CSMD1: variants seen among roughly 807,000 people sequenced by gnomAD.
CSMD1 encodes CUB and sushi domain-containing protein 1.
CSMD1 carries 213 observed loss-of-function variants against 417.5 expected under a neutral mutation model. The ratio of observed to expected loss-of-function variants is 0.51; its 90% CI spans 0.46 to 0.57. The LOEUF (loss-of-function observed/expected upper bound fraction) is 0.57. CSMD1 is among the 20% of genes least tolerant of loss of function. The pLI, the probability that CSMD1 is intolerant of heterozygous loss-of-function variation, is 0.00. For missense variants in CSMD1, 6,923 were observed against 4,529.7 expected (o/e 1.53, Z -15.17); for synonymous variants, 2,862 against 1,736.8 (o/e 1.65, Z -16.11).
chr8:4,574,371 G>A (rs541310943), intron 2 of CSMD1, among the ~76,000 whole-genome samples: 1 of 152,148 alleles, frequency 6.6e-6, no homozygotes, highest in African/African-American at 2.4e-5. Context: ...CCCTTGGCTA[G>A]GAGAGGGGGT....
intron 50 of CSMD1, among the ~76,000 whole-genome samples, chr8:3,047,309 G>A (rs1269803029): frequency 2.0e-5 from 3 of 151,240 alleles, no homozygotes; most frequent in Non-Finnish European, 4.4e-5. Context: ...TGTAGAAATT[G>A]GTCCCAGACG....
intron 3 of CSMD1, among the ~76,000 whole-genome samples, chr8:4,355,479 T>C (rs1442204723): frequency 1.3e-5 from 2 of 152,132 alleles, no homozygotes; most frequent in Admixed American, 6.6e-5. Context: ...CTCATTTTTA[T>C]TAAAAGTAGA....
At chr8:3,919,443 T>A (rs2129143259) in intron 5 of CSMD1, among the ~76,000 whole-genome samples, 1 of 152,164 alleles carries the variant, frequency 6.6e-6, no homozygotes, top group South Asian at 2.1e-4. Flanking sequence ...TAGTTGGCAG[T>A]TTTTGCTTGA....
Position 3,794,592 on chromosome 8 carries a change from AT to A in CSMD1, c.819-40551del, listed in dbSNP as rs1204700253. On this transcript the variant is annotated intron_variant, in intron 5 of 69. Coordinates refer to ENST00000635120, the MANE Select transcript of CSMD1 (RefSeq NM_033225.6). Reference sequence around the variant, plus strand: ...TAGTAACCCATTGGTTTATTTTTCCATTTTTTTCTCGATATATTAATAATTA... The same window carrying A: ...TAGTAACCCATTGGTTTATTTTTCCATTTTTTCTCGATATATTAATAATTA... Among the ~76,000 whole-genome samples, 3 of 147,450 alleles carry A rather than the reference AT, an allele frequency of 2.0e-5. No homozygotes were observed. In the East Asian group the frequency reaches 5.9e-4, roughly 29 times the overall value.
chr8:3,780,951 C>A (rs1231437356), intron 5 of CSMD1, among the ~76,000 whole-genome samples: 1 of 152,122 alleles, frequency 6.6e-6, no homozygotes, highest in Non-Finnish European at 1.5e-5. Flanking sequence ...AAATAAAGCT[C>A]TAAAGATATC....
chr8:3,758,941 G>C (rs78457165), intron 5 of CSMD1, among the ~76,000 whole-genome samples: 4,548 of 152,254 alleles, frequency 0.03, 179 homozygotes, highest in East Asian at 0.15. Flanking sequence ...TGTGGACAAA[G>C]GTCAGAGTGA....
chr8:3,149,969 G>A (rs973664158), intron 40 of CSMD1, among the ~76,000 whole-genome samples: 5 of 152,078 alleles, frequency 3.3e-5, no homozygotes, highest in Non-Finnish European at 7.4e-5. Context: ...AAACTATCCC[G>A]GGTTACACAT....
intron 3 of CSMD1, among the ~76,000 whole-genome samples, chr8:4,388,647 T>TA (rs1017528666): frequency 7.2e-5 from 11 of 151,980 alleles, no homozygotes; most frequent in Non-Finnish European, 1.6e-4. Context: ...AAATCACCAT[T>TA]AAAAAACTTA....
chr8:4,247,883 TC>T (rs1802809270), intron 3 of CSMD1, among the ~76,000 whole-genome samples: 1 of 152,200 alleles, frequency 6.6e-6, no homozygotes, highest in Non-Finnish European at 1.5e-5. Context: ...TACAAATTTT[TC>T]TTGAGGGATA....
intron 3 of CSMD1, among the ~76,000 whole-genome samples, chr8:4,064,506 C>G (rs1299078788): frequency 6.6e-6 from 1 of 152,184 alleles, no homozygotes; most frequent in East Asian, 1.9e-4. Context: ...AAATGTGAGG[C>G]AGGGATAACA....
At chr8:4,078,867 C>G (rs1799968423) in intron 3 of CSMD1, among the ~76,000 whole-genome samples, 2 of 140,122 alleles carry the variant, frequency 1.4e-5, no homozygotes, top group Non-Finnish European at 1.5e-5. Context: ...GAAAACCTGT[C>G]TCTACTAAAA....
chr8:3,636,836 T>G (rs1797076364), intron 7 of CSMD1, among the ~76,000 whole-genome samples: 1 of 152,198 alleles, frequency 6.6e-6, no homozygotes, highest in Admixed American at 6.5e-5. Flanking sequence ...CTATATGAGT[T>G]TAAATGTCCC....
chr8:4,224,204 G>C (rs1012438842), intron 3 of CSMD1, among the ~76,000 whole-genome samples: 1 of 142,364 alleles, frequency 7.0e-6, no homozygotes, highest in Non-Finnish European at 1.5e-5. Context: ...CAAAGCGTTT[G>C]TGATCCAAGT....
At chr8:4,177,925 G>C (rs553842485) in intron 3 of CSMD1, among the ~76,000 whole-genome samples, 1 of 152,094 alleles carries the variant, frequency 6.6e-6, no homozygotes, top group South Asian at 2.1e-4. Context: ...ATCTGAAATT[G>C]TGGCAACAAT....
chr8:3,592,229 A>G (rs1056919401), intron 8 of CSMD1, among the ~76,000 whole-genome samples: 2 of 152,144 alleles, frequency 1.3e-5, no homozygotes, highest in African/African-American at 4.8e-5. Flanking sequence ...ATAGATAGAT[A>G]CATAGATGGA....
At chr8:4,521,634 A>T (rs981865098) in intron 2 of CSMD1, among the ~76,000 whole-genome samples, 2 of 152,204 alleles carry the variant, frequency 1.3e-5, no homozygotes, top group South Asian at 4.1e-4. Flanking sequence ...AGGTAACTTT[A>T]TGGTAGAAAA....
In CSMD1 at chr8:3,018,498, C is replaced by T. The variant is rs1009864779; in HGVS notation, c.8008G>A (p.Gly2670Ser). 5.6e-6 allele frequency: 9 copies of T among 1,612,894 alleles called. No individual in the cohort carries two copies. Among genetic ancestry groups the T allele is most frequent in the East Asian group, 2.2e-5 (1 of 44,854 alleles). ...TTACCCAGACATCGAGTTTCGCTGC[C>T]GCTCCAGAGCCCATTTGCCAAGCAC... ...RECLANGLWS[G>S]SETRCLAGHC... Residue 2670 changes from glycine to serine, a missense_variant, in exon 52 of 70, where the codon GGC becomes AGC. By Grantham distance (56) the Gly-to-Ser change is moderately conservative. Transcript: ENST00000635120.
At chr8:4,767,154 G>C (rs917431171) in intron 1 of CSMD1, among the ~76,000 whole-genome samples, 1 of 152,090 alleles carries the variant, frequency 6.6e-6, no homozygotes, top group Admixed American at 6.6e-5. Flanking sequence ...ATAACAGTTT[G>C]GACATACCAT....
chr8:4,457,873 G>A (rs1357400378), intron 2 of CSMD1, among the ~76,000 whole-genome samples: 1 of 152,112 alleles, frequency 6.6e-6, no homozygotes, highest in African/African-American at 2.4e-5. Context: ...CCCTGGGACA[G>A]CTTGATGCAG....
Sources: gnomAD v4.1 joint callset for allele counts (sites outside exome capture counted in the v4.1 genomes callset) on GRCh38, gnomAD v4.1.1 for gene constraint, MANE v1.5 for transcripts, NCBI Gene and HGNC (gene_info 2026-07-23, HGNC 2026-07-21) for gene names.